The following METTL8 variants were observed in gnomAD, a reference collection of about 807,000 sequenced individuals.
METTL8 encodes tRNA N(3)-cytidine methyltransferase METTL8, mitochondrial.
Under a neutral mutation model 48.7 loss-of-function variants are expected in METTL8, and 32 were observed. The observed-to-expected ratio is 0.66, with a 90% CI of 0.50 to 0.88. The LOEUF (loss-of-function observed/expected upper bound fraction) is 0.88. Ranked by LOEUF, METTL8 falls within the 40% of genes least tolerant of loss-of-function variation. The pLI, the probability that METTL8 is intolerant of heterozygous loss-of-function variation, is 0.00. For synonymous variants in METTL8, 136 were observed against 157.1 expected, an observed-to-expected ratio of 0.87 and a Z score of 1.01; for missense variants, 464 against 474.4, an observed-to-expected ratio of 0.98 and a Z score of 0.20.
chr2:171,346,805 C>G (rs534066694), intron 3 of METTL8, among the ~76,000 whole-genome samples: 1 of 152,310 alleles, frequency 6.6e-6, no homozygotes, highest in South Asian at 2.1e-4. Context: ...ATCTATTTAC[C>G]TTGACCCATA....
chr2:171,360,975 T>A (rs1392528235), intron 2 of METTL8, among the ~76,000 whole-genome samples: 34 of 152,370 alleles, frequency 2.2e-4, no homozygotes, highest in Admixed American at 2.1e-3. Context: ...TAGCCTGCAA[T>A]TTTTAAAGTA....
At chr2:171,418,897 G>A (rs1219366875) in intron 1 of METTL8, among the ~76,000 whole-genome samples, 1 of 152,094 alleles carries the variant, frequency 6.6e-6, no homozygotes, top group Non-Finnish European at 1.5e-5. Flanking sequence ...GGAGGCTGCA[G>A]TGAGCCGAGA....
chr2:171,381,999 G>T (rs1687596226), intron 2 of METTL8, among the ~76,000 whole-genome samples: 1 of 152,020 alleles, frequency 6.6e-6, no homozygotes, highest in Non-Finnish European at 1.5e-5. Flanking sequence ...GGCCAGGATG[G>T]TCTCAACCTC....
chr2:171,367,386 T>C (rs920967351), intron 2 of METTL8, among the ~76,000 whole-genome samples: 1 of 151,946 alleles, frequency 6.6e-6, no homozygotes, highest in Non-Finnish European at 1.5e-5. Context: ...TATGTCAGCA[T>C]AGGGGGATGG....
At chr2:171,352,944 A>C (rs540493833) in intron 3 of METTL8, among the ~76,000 whole-genome samples, 100 of 152,238 alleles carry the variant, frequency 6.6e-4, no homozygotes, top group African/African-American at 2.3e-3. Context: ...GATTTTTTGA[A>C]GGGTTTTTTG....
intron 2 of METTL8, among the ~76,000 whole-genome samples, chr2:171,361,275 T>C (rs1232421226): frequency 2.0e-5 from 3 of 151,912 alleles, no homozygotes; most frequent in African/African-American, 7.2e-5. Flanking sequence ...TGCAATAGGT[T>C]AGACTATAAG....
At position 171,359,140 on chromosome 2, in the gene METTL8, C is replaced by G. The variant is rs186237451; in HGVS notation, c.235+1282G>C. ...GCTGCAGTGAGCCATGATCTCATCA[C>G]TATACTCCAGACTGGGCAACAAGAC... On this transcript the variant is annotated intron_variant, in intron 3 of 9. Transcript: ENST00000375258. Among the ~76,000 whole-genome samples, 3 of 143,874 alleles carry G rather than the reference C, an allele frequency of 2.1e-5. No individual in the cohort carries two copies. In the East Asian group the frequency reaches 6.0e-4, roughly 29 times the overall value. 94.4% of individuals were successfully genotyped at this position (143,874 alleles called of 152,430 possible). A position where few individuals can be genotyped will look rare whatever the true frequency, so the allele number is the denominator to read the frequency against.
intron 1 of METTL8, among the ~76,000 whole-genome samples, chr2:171,410,097 C>G (rs552991688): frequency 6.6e-6 from 1 of 152,182 alleles, no homozygotes; most frequent in African/African-American, 2.4e-5. Context: ...TAATTATGTT[C>G]TTAATCTCCA....
chr2:171,339,503 T>G lies in METTL8; in HGVS notation c.287A>C (p.His96Pro), dbSNP rs550860135. 2 of 1,609,192 alleles carry G rather than the reference T, an allele frequency of 1.2e-6. No individual in the cohort carries two copies. The highest frequency in any genetic ancestry group is 1.7e-6 in the Non-Finnish European group (2 of 1,176,284). Residue 96 changes from histidine to proline, a missense_variant, in exon 4 of 10, where the codon CAT becomes CCT. His to Pro is a moderately conservative substitution (Grantham distance 77, BLOSUM62 -2). Transcript: ENST00000375258. ...SKYWDTFYKIHKNKFFKDRNW... is the reference protein window; with the variant it reads ...SKYWDTFYKIPKNKFFKDRNW... The stretch of plus-strand genomic sequence containing the variant: ...ACGATCCTTGAAAAACTTATTCTTA[T>G]GAATCTTGTAAAATGTGTCCCAGTA...
At chr2:171,380,460 T>C (rs904988700) in intron 2 of METTL8, among the ~76,000 whole-genome samples, 6 of 152,270 alleles carry the variant, frequency 3.9e-5, no homozygotes, top group Non-Finnish European at 8.8e-5. Context: ...AGCCAAATTG[T>C]CTCTGTTTGC....
At chr2:171,405,800 G>A (rs1690119216) in intron 1 of METTL8, among the ~76,000 whole-genome samples, 1 of 152,178 alleles carries the variant, frequency 6.6e-6, no homozygotes, top group South Asian at 2.1e-4. Context: ...ACAACTTTAT[G>A]CTCTGAAGAG....
At chr2:171,344,326 C>T (rs1053503952) in intron 3 of METTL8, among the ~76,000 whole-genome samples, 2 of 152,180 alleles carry the variant, frequency 1.3e-5, no homozygotes, top group Non-Finnish European at 2.9e-5. Flanking sequence ...AGAGTCAAGA[C>T]CTAGCCTAAG....
At chr2:171,341,371 T>C (rs1376097904) in intron 3 of METTL8, among the ~76,000 whole-genome samples, 1 of 151,850 alleles carries the variant, frequency 6.6e-6, no homozygotes, top group Non-Finnish European at 1.5e-5. Flanking sequence ...CTCTCCCTCA[T>C]TTATTCAACA....
At chr2:171,392,287 A>G (rs1559163691) in intron 1 of METTL8, 90 bp from the exon 2 acceptor site, 1 of 1,028,188 alleles carries the variant, frequency 9.7e-7, no homozygotes, top group African/African-American at 1.6e-5. Flanking sequence ...AAGGTTTTCA[A>G]TCTGAGAATG....
intron 1 of METTL8, among the ~76,000 whole-genome samples, chr2:171,410,706 A>G (rs1690660808): frequency 1.3e-5 from 2 of 152,240 alleles, no homozygotes; most frequent in Admixed American, 1.3e-4. Flanking sequence ...TTGCTTTAGA[A>G]GAATACCTTT....
At chr2:171,334,710 T>A (rs1052394886) in intron 5 of METTL8, among the ~76,000 whole-genome samples, 1 of 152,122 alleles carries the variant, frequency 6.6e-6, no homozygotes. Context: ...AACATAGGTA[T>A]GAGGCAAAGA....
Position 171,316,843 on chromosome 2 carries a change from T to C in METTL8, c.*7329A>G, listed in dbSNP as rs1457141173. Among the ~76,000 whole-genome samples, 1 of 152,222 alleles carries C rather than the reference T, an allele frequency of 6.6e-6. No individual in the cohort carries two copies. Among genetic ancestry groups the C allele is most frequent in the Non-Finnish European group, 1.5e-5 (1 of 68,038 alleles). Reference sequence around the variant, plus strand: ...TACTGGCAATTTCAGCCATTCTCTTTCAGGCAATTTTCAGTGCGAGTGCCA... The same window carrying C: ...TACTGGCAATTTCAGCCATTCTCTTCCAGGCAATTTTCAGTGCGAGTGCCA... On this transcript the variant is annotated 3_prime_UTR_variant, in exon 10 of 10. Transcript: ENST00000375258.
intron 1 of METTL8, among the ~76,000 whole-genome samples, chr2:171,401,172 G>A (rs1301306639): frequency 1.3e-5 from 2 of 152,094 alleles, no homozygotes; most frequent in Non-Finnish European, 2.9e-5. Context: ...TACCTGAGAG[G>A]CTAGCATTAA....
chr2:171,376,605 CA>C (rs1686993217), intron 2 of METTL8, among the ~76,000 whole-genome samples: 1 of 151,976 alleles, frequency 6.6e-6, no homozygotes, highest in Non-Finnish European at 1.5e-5. Flanking sequence ...ATAAAGGTTG[CA>C]AAAAATAAAA....
Sources: allele counts gnomAD v4.1 joint callset (sites outside exome capture counted in the v4.1 genomes callset), GRCh38; gene constraint gnomAD v4.1.1; transcripts MANE v1.5; gene names NCBI Gene and HGNC (gene_info 2026-07-23, HGNC 2026-07-21).